Variants in COPG1 observed in about 807,000 individuals in gnomAD.
COPG1 encodes coatomer subunit gamma-1.
Under a neutral mutation model 102.8 loss-of-function variants are expected in COPG1, and 29 were observed. The ratio of observed to expected loss-of-function variants is 0.28; its 90% CI spans 0.21 to 0.38. The LOEUF (loss-of-function observed/expected upper bound fraction) is 0.38, where lower values mean the gene tolerates loss of function less well. Among genes scored for constraint, COPG1 ranks in the 10% least tolerant of loss-of-function variants. The pLI is 1.00. For synonymous variants in COPG1, 406 were observed against 421.6 expected (o/e 0.96, Z 0.45); for missense variants, 875 against 1,132.7 (o/e 0.77, Z 3.27).
rs6808353 is a variant in COPG1 at position 129,266,965 on chromosome 3, G to A, written c.1469-59G>A. On this transcript the variant is annotated intron_variant, in intron 14 of 23. Transcript: ENST00000314797. Reference sequence around the variant, plus strand: ...AAGACCCATTCTGAGTGCTGGAAGTGCCCAAACAGTGAGTTGTCAGGGTGC... The same window carrying A: ...AAGACCCATTCTGAGTGCTGGAAGTACCCAAACAGTGAGTTGTCAGGGTGC... The A allele has an allele frequency of 8.2e-4, 1,205 of 1,470,494 alleles. 6 individuals carry two copies. In the African/African-American group the frequency reaches 0.013, roughly 16 times the overall value. 91.1% of individuals were successfully genotyped at this position (1,470,494 alleles called of 1,614,324 possible).
At chr3:129,254,203 A>C (rs557487263) in intron 5 of COPG1, 3 of 153,514 alleles carry the variant, frequency 2.0e-5, no homozygotes, top group Admixed American at 1.9e-4. Flanking sequence ...AGGCTGAGGC[A>C]GTAGAGCTTG....
intron 13 of COPG1, among the ~76,000 whole-genome samples, chr3:129,264,210 G>T (rs1940008625): frequency 6.6e-6 from 1 of 152,212 alleles, no homozygotes; most frequent in Admixed American, 6.5e-5. Context: ...TCACCAGCCT[G>T]ACTTTAAAAA....
rs1402210277 is a variant in COPG1, at chr3:129,270,110, C to T, written c.1843+1110C>T. ...GAAGGGCCCTTATGATTACACTGGC[C>T]CCCCCTGGATAATCCAGGATAACCC... On this transcript the variant is annotated intron_variant, in intron 18 of 23. Coordinates refer to ENST00000314797, the MANE Select transcript of COPG1 (RefSeq NM_016128.4). Among the ~76,000 whole-genome samples, 5 of 149,202 alleles carry T rather than the reference C, an allele frequency of 3.4e-5. No homozygotes were observed. In the South Asian group the frequency reaches 8.6e-4, roughly 26 times the overall value.
At chr3:129,273,973 C>T (rs1231919955) in intron 21 of COPG1, 2 of 454,536 alleles carry the variant, frequency 4.4e-6, no homozygotes, top group East Asian at 1.4e-4. Flanking sequence ...CCATTATGCT[C>T]AGCCTGTGGA....
At position 129,272,264 on chromosome 3, in the gene COPG1, C is replaced by G; in HGVS notation, c.2007C>G (p.Leu669=). ...MVFQFDCTNT[L]NDQTLENVTV... is the part of the protein sequence containing the mutation. ...TTCAGTTTGACTGCACAAACACACT[C>G]AATGACCAGACCTTGGAGAATGTCA... Residue 669 remains leucine (L), a synonymous_variant, in exon 20 of 24, where the codon CTC becomes CTG. Transcript: ENST00000314797. 1 of 1,614,056 alleles carries G rather than the reference C, an allele frequency of 6.2e-7. No individual in the cohort carries two copies. Among genetic ancestry groups the G allele is most frequent in the African/African-American group, 1.3e-5 (1 of 75,038 alleles).
chr3:129,274,049 A>T (rs774173808), intron 21 of COPG1: 3 of 456,204 alleles, frequency 6.6e-6, no homozygotes, highest in South Asian at 4.6e-5. Flanking sequence ...GACATTCGCC[A>T]TTGTGTCATC....
At chr3:129,257,921 G>T in intron 10 of COPG1, 61 bp downstream of exon 10, 1 of 1,586,940 alleles carries the variant, frequency 6.3e-7, no homozygotes. Flanking sequence ...CTAGGCCTGG[G>T]TTCCCGGGCT....
At chr3:129,274,220 G>A (rs1940228768) in intron 21 of COPG1, 1 of 422,636 alleles carries the variant, frequency 2.4e-6, no homozygotes, top group Non-Finnish European at 4.7e-6. Context: ...CTGGGTCTAA[G>A]TTGTATTTAT....
Position 129,277,600 on chromosome 3 carries a change from A to AATTTT in COPG1, c.*176_*177insATTTT. On this transcript the variant is annotated 3_prime_UTR_variant, in exon 24 of 24. Transcript: ENST00000314797. ...TCCCACCCGGGACTACTTGCTGGTG[A>AATTTT]CTTTTTTTTTTTTTTTTTTTAAATA... 2 of 371,702 alleles carry AATTTT rather than the reference A, an allele frequency of 5.4e-6. No homozygotes were observed. The highest frequency in any genetic ancestry group is 9.0e-6 in the Non-Finnish European group (2 of 221,340). The allele number at this position is 371,702 out of a possible 1,614,324, so 23.0% of individuals were successfully genotyped here.
chr3:129,250,241 C>T (rs1939665886), intron 1 of COPG1, among the ~76,000 whole-genome samples: 1 of 152,184 alleles, frequency 6.6e-6, no homozygotes, highest in African/African-American at 2.4e-5. Context: ...GTGGGACACT[C>T]AGTGCCTGAG....
intron 12 of COPG1, 73 bp downstream of exon 12, chr3:129,260,880 C>T: frequency 6.6e-7 from 1 of 1,505,128 alleles, no homozygotes; most frequent in Non-Finnish European, 9.1e-7. Context: ...TGGCCACAGC[C>T]TTCCTGCCAG....
chr3:129,252,130 C>G, intron 2 of COPG1, 151 bp from the exon 3 acceptor site: 1 of 602,932 alleles, frequency 1.7e-6, no homozygotes, highest in Non-Finnish European at 3.0e-6. Flanking sequence ...TAAAGAAAAA[C>G]AAACCCTTTC....
intron 13 of COPG1, among the ~76,000 whole-genome samples, chr3:129,265,249 G>T (rs1368591660): frequency 2.6e-5 from 4 of 152,138 alleles, no homozygotes; most frequent in Admixed American, 2.6e-4. Flanking sequence ...GCACCACCAT[G>T]CCCAACTAAT....
Position 129,266,431 on chromosome 3 carries a change from AT to A in COPG1, c.1469-583del, listed in dbSNP as rs556687147. Among the ~76,000 whole-genome samples, 456 of 150,176 alleles carry A rather than the reference AT, an allele frequency of 3.0e-3. 2 individuals carry two copies. Among genetic ancestry groups the A allele is most frequent in the Non-Finnish European group, 5.5e-3 (369 of 67,304 alleles). On this transcript the variant is annotated intron_variant, in intron 14 of 23. Coordinates refer to ENST00000314797, the MANE Select transcript of COPG1 (RefSeq NM_016128.4). ...GAGCCACTGTGCCTTGCCTTAAGTG[AT>A]TTTTTTTTTAACTTTCACTGTATGT... is the stretch of plus-strand genomic sequence containing the variant.
chr3:129,252,491 C>T, intron 3 of COPG1, 130 bp downstream of exon 3: 1 of 1,003,506 alleles, frequency 1.0e-6, no homozygotes, highest in African/African-American at 1.6e-5. Flanking sequence ...GCTCTGGGTC[C>T]CCTCAGCATC....
chr3:129,250,181 T>C (rs1939664776), intron 1 of COPG1, among the ~76,000 whole-genome samples: 1 of 152,166 alleles, frequency 6.6e-6, no homozygotes, highest in Non-Finnish European at 1.5e-5. Context: ...TATTGAGCAG[T>C]TACTGTATGC....
At chr3:129,259,487 G>A (rs58497561) in intron 10 of COPG1, among the ~76,000 whole-genome samples, 15,780 of 148,688 alleles carry the variant, frequency 0.11, 2,487 homozygotes, top group African/African-American at 0.34. Context: ...AAAAGAAATG[G>A]AAAAAGAACT....
At position 129,275,021 on chromosome 3, in the gene COPG1, A is replaced by C; in HGVS notation, c.2395+45A>C. On this transcript the variant is annotated intron_variant, in intron 22 of 23. Coordinates refer to ENST00000314797, the MANE Select transcript of COPG1 (RefSeq NM_016128.4). The surrounding 1 kb of genome is among the most constrained non-coding windows in gnomAD (Gnocchi z 5.0). The stretch of plus-strand genomic sequence containing the variant: ...ATCTCTGGCCTAATTACTGTTCAAG[A>C]TCTTTGGCTACTATTGAAGTGCTCA... 1 of 1,605,594 alleles carries C rather than the reference A, an allele frequency of 6.2e-7. No homozygotes were observed. The highest frequency in any genetic ancestry group is 8.5e-7 in the Non-Finnish European group (1 of 1,173,080).
In COPG1 at chr3:129,271,530, C is replaced by G. The variant is rs779383654; in HGVS notation, c.1844-237C>G. On this transcript the variant is annotated intron_variant, in intron 18 of 23. Transcript: ENST00000314797. The surrounding 1 kb of genome is among the most constrained non-coding windows in gnomAD (Gnocchi z 4.7). ...TCAGTTTTTTGCTTCTGAGGTCTTTCATGGTACAGAGATGGGGAGAGTATT... is the reference window on the plus strand; with the variant it reads ...TCAGTTTTTTGCTTCTGAGGTCTTTGATGGTACAGAGATGGGGAGAGTATT... Among the ~76,000 whole-genome samples the G allele has an allele frequency of 2.5e-4, 38 of 152,130 alleles. No individual in the cohort carries two copies. The highest frequency in any genetic ancestry group is 3.9e-4 in the Admixed American group (6 of 15,254).
Sources: gnomAD v4.1 joint callset for allele counts (sites outside exome capture counted in the v4.1 genomes callset) on GRCh38, gnomAD v4.1.1 for gene constraint, Gnocchi (gnomAD v3.1) non-coding constraint, MANE v1.5 for transcripts, NCBI Gene and HGNC (gene_info 2026-07-23, HGNC 2026-07-21) for gene names.